Variants in PCDHGB2 observed in about 807,000 individuals in gnomAD.
The protein encoded by PCDHGB2 is protocadherin gamma-B2.
A neutral mutation model predicts 59.3 loss-of-function variants in PCDHGB2; 55 were observed. That is an observed-to-expected ratio of 0.93 (90% confidence interval 0.75 to 1.16). PCDHGB2 has a LOEUF of 1.16. PCDHGB2 is among the 50% of genes most tolerant of loss of function. The pLI is 0.00. For missense variants in PCDHGB2, 1,228 were observed against 1,198.5 expected, an observed-to-expected ratio of 1.02 and a Z score of -0.36; for synonymous variants, 516 against 512.0, an observed-to-expected ratio of 1.01 and a Z score of -0.11.
rs749499883 is a variant in PCDHGB2 at position 141,486,382 on chromosome 5, C to T, written c.2422-8425C>T. ...TTGCCCTCAAGTCTGCCTTCAGGAA[C>T]CAGTTCTCCCTGGTGACTGCTGGAC... is the stretch of plus-strand genomic sequence containing the variant. On this transcript the variant is annotated intron_variant, in intron 1 of 3. Transcript: ENST00000522605. The surrounding 1 kb of genome is among the most constrained non-coding windows in gnomAD (Gnocchi z 5.0). 25 of 1,613,986 alleles carry T rather than the reference C, an allele frequency of 1.5e-5. No homozygotes were observed. The highest frequency in any genetic ancestry group is 1.9e-5 in the Non-Finnish European group (23 of 1,179,998).
At chr5:141,471,963 T>C (rs2024084) in intron 1 of PCDHGB2, among the ~76,000 whole-genome samples, 27,680 of 152,068 alleles carry the variant, frequency 0.18, 3,629 homozygotes, top group African/African-American at 0.37. Context: ...GTGGGGTTGG[T>C]TGCATTACTG....
chr5:141,507,487 G>A (rs889348168), intron 3 of PCDHGB2, among the ~76,000 whole-genome samples: 1 of 152,204 alleles, frequency 6.6e-6, no homozygotes, highest in African/African-American at 2.4e-5. Context: ...GCCTCCTGAG[G>A]CAGAGCTGTC....
At chr5:141,376,318 G>C (rs373956139) in intron 1 of PCDHGB2, 6 of 1,614,200 alleles carry the variant, frequency 3.7e-6, no homozygotes, top group East Asian at 4.5e-5. Context: ...GCGTGGAAGG[G>C]GTTCGGGCTT....
intron 1 of PCDHGB2, among the ~76,000 whole-genome samples, chr5:141,488,190 G>A (rs1162264945): frequency 1.3e-5 from 2 of 152,164 alleles, no homozygotes; most frequent in African/African-American, 4.8e-5. Flanking sequence ...CTTTTGGTCT[G>A]GGTCTTAGGA....
intron 1 of PCDHGB2, chr5:141,478,043 A>G (rs1399496347): frequency 7.4e-6 from 12 of 1,613,710 alleles, no homozygotes; most frequent in Non-Finnish European, 1.0e-5. Flanking sequence ...ACCCAGGCAG[A>G]CTCTCACGGT....
At chr5:141,389,863 T>C in intron 1 of PCDHGB2, 1 of 1,614,064 alleles carries the variant, frequency 6.2e-7, no homozygotes, top group South Asian at 1.1e-5. Flanking sequence ...ACGTTGCACC[T>C]GGTCTTCGCC....
Position 141,468,058 on chromosome 5 carries a change from C to T in PCDHGB2, c.2422-26749C>T, listed in dbSNP as rs993225792. ...TAGAAAACTAAGCCGGGCACAGTGG[C>T]TCACACCTGTAATCCCAGCACTTTG... On this transcript the variant is annotated intron_variant, in intron 1 of 3. Transcript: ENST00000522605. 1.1e-4 allele frequency among the ~76,000 whole-genome samples: 16 copies of T among 152,140 alleles called. 2 individuals carry two copies. The highest frequency in any genetic ancestry group is 5.2e-4 in the Admixed American group (8 of 15,276).
chr5:141,424,393 A>G (rs1241872928), intron 1 of PCDHGB2: 1 of 152,120 alleles, frequency 6.6e-6, no homozygotes, highest in Non-Finnish European at 1.5e-5. Flanking sequence ...TGTCTTTTCC[A>G]TTACTATGGT....
chr5:141,499,682 C>T, intron 2 of PCDHGB2, among the ~76,000 whole-genome samples: 1 of 148,196 alleles, frequency 6.7e-6, no homozygotes, highest in South Asian at 2.1e-4. Flanking sequence ...CCATCTTTAA[C>T]AGATGACTTT....
At chr5:141,451,484 G>A (rs2098717067) in intron 1 of PCDHGB2, among the ~76,000 whole-genome samples, 1 of 152,194 alleles carries the variant, frequency 6.6e-6, no homozygotes, top group Admixed American at 6.5e-5. Flanking sequence ...CTTGCCATGT[G>A]GACCTCCATA....
At chr5:141,502,951 C>G (rs1444086718) in intron 2 of PCDHGB2, among the ~76,000 whole-genome samples, 1 of 147,768 alleles carries the variant, frequency 6.8e-6, no homozygotes, top group African/African-American at 2.6e-5. Context: ...TCAAGCGATT[C>G]TCCTGCCTCA....
At chr5:141,421,651 A>C in intron 1 of PCDHGB2, 1 of 1,613,868 alleles carries the variant, frequency 6.2e-7, no homozygotes, top group Non-Finnish European at 8.5e-7. Flanking sequence ...AGTGGAGATA[A>C]AAGTCAGTGA....
At position 141,431,274 on chromosome 5, in the gene PCDHGB2, TC is replaced by T. The variant is rs767658803; in HGVS notation, c.2422-63532del. On this transcript the variant is annotated intron_variant, in intron 1 of 3. Transcript: ENST00000522605. The surrounding 1 kb of genome is among the most constrained non-coding windows in gnomAD (Gnocchi z 4.8). ...AAGAACTCTCTGCAGAGCTACGAGC[TC>T]AGCCCGAACACTCACTTCTCCCTCA... 6 of 1,614,128 alleles carry T rather than the reference TC, an allele frequency of 3.7e-6. No homozygotes were observed. Among genetic ancestry groups the T allele is most frequent in the Non-Finnish European group, 5.1e-6 (6 of 1,180,024 alleles).
At chr5:141,466,689 A>G (rs2099127361) in intron 1 of PCDHGB2, among the ~76,000 whole-genome samples, 1 of 152,220 alleles carries the variant, frequency 6.6e-6, no homozygotes, top group Admixed American at 6.5e-5. Context: ...CTCAAGCTTC[A>G]TCATAAATTT....
chr5:141,418,897 A>T, intron 1 of PCDHGB2: 1 of 1,613,980 alleles, frequency 6.2e-7, no homozygotes, highest in Non-Finnish European at 8.5e-7. Flanking sequence ...ACAGCCCAGA[A>T]ATAATCATCA....
chr5:141,409,155 A>T, intron 1 of PCDHGB2: 1 of 1,614,036 alleles, frequency 6.2e-7, no homozygotes, highest in Non-Finnish European at 8.5e-7. Context: ...TACACCATGG[A>T]AGTGGAAGCG....
intron 2 of PCDHGB2, among the ~76,000 whole-genome samples, chr5:141,500,935 C>A (rs1159997919): frequency 1.3e-5 from 2 of 151,694 alleles, no homozygotes; most frequent in Non-Finnish European, 2.9e-5. Flanking sequence ...GTGGCGCCAT[C>A]TCGGCTCACT....
intron 1 of PCDHGB2, among the ~76,000 whole-genome samples, chr5:141,457,984 A>G (rs1210742359): frequency 2.0e-5 from 3 of 152,226 alleles, no homozygotes; most frequent in Non-Finnish European, 1.5e-5. Context: ...ACACCCTTTC[A>G]GTTAAAGCCT....
intron 1 of PCDHGB2, chr5:141,421,851 T>G: frequency 6.2e-7 from 1 of 1,613,714 alleles, no homozygotes; most frequent in East Asian, 2.2e-5. Context: ...AAGAGGCTGC[T>G]CACCTGCTCC....
Sources: gnomAD v4.1 joint callset for allele counts (sites outside exome capture counted in the v4.1 genomes callset) on GRCh38, gnomAD v4.1.1 for gene constraint, Gnocchi (gnomAD v3.1) non-coding constraint, MANE v1.5 for transcripts, NCBI Gene and HGNC (gene_info 2026-07-23, HGNC 2026-07-21) for gene names.